The following CUX2 variants were observed in gnomAD, a reference collection of about 807,000 sequenced individuals.
The protein encoded by CUX2 is cut like homeobox 2, also known as homeobox protein cut-like 2.
In CUX2, 40 loss-of-function variants were observed where a neutral mutation model predicts 144.8. The observed-to-expected ratio is 0.28, with a 90% CI of 0.21 to 0.36. The LOEUF is 0.36. Among genes scored for constraint, CUX2 ranks in the 10% least tolerant of loss-of-function variants. The pLI is 1.00. For synonymous variants in CUX2, 827 were observed against 875.6 expected, an observed-to-expected ratio of 0.94 and a Z score of 0.98; for missense variants, 1,615 against 1,994.0, an observed-to-expected ratio of 0.81 and a Z score of 3.62.
intron 1 of CUX2, among the ~76,000 whole-genome samples, chr12:111,083,089 G>C (rs1219712478): frequency 1.3e-5 from 2 of 152,196 alleles, no homozygotes; most frequent in African/African-American, 2.4e-5. Flanking sequence ...CTAAGTGGCA[G>C]TTGCCTCCCC....
intron 1 of CUX2, among the ~76,000 whole-genome samples, chr12:111,213,385 C>T (rs761589444): frequency 7.2e-5 from 11 of 152,170 alleles, no homozygotes; most frequent in Non-Finnish European, 1.3e-4. Context: ...TATACATGCA[C>T]GACCAGCAGA....
intron 18 of CUX2, among the ~76,000 whole-genome samples, chr12:111,329,187 A>G (rs1004803183): frequency 2.0e-5 from 3 of 150,932 alleles, no homozygotes. Flanking sequence ...TTTCTGTAGT[A>G]AAATAAGGAA....
chr12:111,069,662 G>A (rs1346441938), intron 1 of CUX2, among the ~76,000 whole-genome samples: 1 of 152,064 alleles, frequency 6.6e-6, no homozygotes, highest in Non-Finnish European at 1.5e-5. Context: ...ATAGATGCCT[G>A]TCTTCTCCCT....
chr12:111,296,052 C>A (rs1885968667), intron 7 of CUX2, among the ~76,000 whole-genome samples: 1 of 151,266 alleles, frequency 6.6e-6, no homozygotes, highest in Non-Finnish European at 1.5e-5. Flanking sequence ...TGTCTTCCGG[C>A]CTGCCAGGTT....
chr12:111,242,286 A>G (rs1281080827), intron 3 of CUX2, among the ~76,000 whole-genome samples: 2 of 152,222 alleles, frequency 1.3e-5, no homozygotes, highest in Admixed American at 1.3e-4. Context: ...GCAACAGCAA[A>G]TAAGTGATGA....
chr12:111,307,196 T>C lies in CUX2; in HGVS notation c.1051-3T>C. On this transcript the variant is annotated splice_region_variant and splice_polypyrimidine_tract_variant and intron_variant, in intron 11 of 21. Transcript: ENST00000261726. This position sits in a 1 kb window ranked among gnomAD's most constrained non-coding sequence, Gnocchi z 4.1. ...GCCTCACCATCTTTCTTTGCTCTTC[T>C]AGAAGCTGGAAGAGAAGCTCCAGGC... The C allele has an allele frequency of 6.2e-7, 1 of 1,614,046 alleles. No homozygotes were observed. The highest frequency in any genetic ancestry group is 8.5e-7 in the Non-Finnish European group (1 of 1,179,960).
intron 1 of CUX2, among the ~76,000 whole-genome samples, chr12:111,115,315 T>G (rs1874228122): frequency 6.9e-6 from 1 of 145,372 alleles, no homozygotes; most frequent in African/African-American, 2.6e-5. Context: ...AGATAGAGTC[T>G]TGCTCTGTCG....
At chr12:111,321,070 G>A (rs1471770351) in intron 17 of CUX2, among the ~76,000 whole-genome samples, 1 of 152,116 alleles carries the variant, frequency 6.6e-6, no homozygotes, top group African/African-American at 2.4e-5. Flanking sequence ...GGTGGCTCAC[G>A]CCTGTAATCC....
At chr12:111,316,112 G>A (rs1232373233) in intron 16 of CUX2, among the ~76,000 whole-genome samples, 1 of 151,092 alleles carries the variant, frequency 6.6e-6, no homozygotes, top group East Asian at 1.9e-4. Flanking sequence ...TTTTTTAATC[G>A]AGGTAAAATT....
Position 111,322,459 on chromosome 12 carries a change from G to C in CUX2, c.2805G>C (p.Leu935=), listed in dbSNP as rs1404396234. 6.3e-7 allele frequency: 1 copy of C among 1,578,890 alleles called. No homozygotes were observed. Among genetic ancestry groups the C allele is most frequent in the East Asian group, 2.3e-5 (1 of 43,354 alleles). The change falls in exon 18 of 22, where the codon CTG becomes CTC. Residue 935 remains leucine, a synonymous_variant. Coordinates refer to ENST00000261726, the MANE Select transcript of CUX2 (RefSeq NM_015267.4). This position sits in a 1 kb window ranked among gnomAD's most constrained non-coding sequence, Gnocchi z 4.2. ...GLSQGSVSDM[L]SRPKPWSKLT... ...CACAGGGCAGCGTGAGCGACATGCT[G>C]TCCCGGCCGAAGCCATGGAGCAAGC...
At chr12:111,056,359 A>C (rs1870524272) in intron 1 of CUX2, among the ~76,000 whole-genome samples, 1 of 152,080 alleles carries the variant, frequency 6.6e-6, no homozygotes, top group African/African-American at 2.4e-5. Flanking sequence ...GCTTGTCCCC[A>C]CTCCATGATA....
At chr12:111,234,530 T>C (rs1882635340) in intron 3 of CUX2, among the ~76,000 whole-genome samples, 1 of 152,020 alleles carries the variant, frequency 6.6e-6, no homozygotes, top group Admixed American at 6.6e-5. Flanking sequence ...TGGTTATTTT[T>C]TGGGCAGGCA....
chr12:111,222,923 C>T (rs1426416954), intron 3 of CUX2, among the ~76,000 whole-genome samples: 1 of 152,178 alleles, frequency 6.6e-6, no homozygotes, highest in African/African-American at 2.4e-5. Flanking sequence ...GTCACCTCAA[C>T]AAGCATTTAT....
In CUX2 at chr12:111,293,307, C is replaced by A; in HGVS notation, c.437-139C>A. On this transcript the variant is annotated intron_variant, in intron 5 of 21. Coordinates refer to ENST00000261726, the MANE Select transcript of CUX2 (RefSeq NM_015267.4). The surrounding 1 kb of genome is among the most constrained non-coding windows in gnomAD (Gnocchi z 4.5). Reference sequence around the variant, plus strand: ...TGCTGAGGACATGCGGCCCGCAGGGCCCCACAGCTGCGCTCTCTCCAAGGC... The same window carrying A: ...TGCTGAGGACATGCGGCCCGCAGGGACCCACAGCTGCGCTCTCTCCAAGGC... 7.7e-7 allele frequency: 1 copy of A among 1,305,390 alleles called. No homozygotes were observed. Among genetic ancestry groups the A allele is most frequent in the Non-Finnish European group, 1.0e-6 (1 of 976,178 alleles). 80.9% of individuals were successfully genotyped at this position (1,305,390 alleles called of 1,614,324 possible).
intron 16 of CUX2, among the ~76,000 whole-genome samples, chr12:111,317,321 A>G (rs975152074): frequency 1.3e-5 from 2 of 152,096 alleles, no homozygotes; most frequent in Non-Finnish European, 2.9e-5. Context: ...AGATCCATCT[A>G]TTATCCTTGG....
chr12:111,200,932 G>T (rs189602754), intron 1 of CUX2, among the ~76,000 whole-genome samples: 7 of 152,280 alleles, frequency 4.6e-5, no homozygotes, highest in Non-Finnish European at 1.0e-4. Context: ...ACTGGTTTCT[G>T]CTGGGCCTCT....
At chr12:111,125,221 C>A (rs1236541180) in intron 1 of CUX2, among the ~76,000 whole-genome samples, 1 of 151,568 alleles carries the variant, frequency 6.6e-6, no homozygotes, top group Non-Finnish European at 1.5e-5. Flanking sequence ...CCTCTGTCAC[C>A]CAGGCTGGAG....
intron 18 of CUX2, among the ~76,000 whole-genome samples, chr12:111,324,924 T>C (rs990364777): frequency 6.6e-6 from 1 of 152,166 alleles, no homozygotes; most frequent in Non-Finnish European, 1.5e-5. Context: ...TATTTCTATA[T>C]GTTTTTAATA....
Position 111,350,327 on chromosome 12 carries a change from G to A in CUX2, c.*2002G>A, listed in dbSNP as rs542587003. 9 of 152,512 alleles carry A rather than the reference G, an allele frequency of 5.9e-5. No homozygotes were observed. Among genetic ancestry groups the A allele is most frequent in the East Asian group, 1.9e-4 (1 of 5,182 alleles). The allele number at this position is 152,512 out of a possible 1,614,324, so 9.4% of individuals were successfully genotyped here. A position where few individuals can be genotyped will look rare whatever the true frequency, so the allele number is the denominator to read the frequency against. On this transcript the variant is annotated 3_prime_UTR_variant, in exon 22 of 22. Transcript: ENST00000261726. ...GAACTAAATTTGGCTTTAGTGTGACGGGATTTGATTAAGCACTTAGTATAG... is the reference window on the plus strand; with the variant it reads ...GAACTAAATTTGGCTTTAGTGTGACAGGATTTGATTAAGCACTTAGTATAG...
Sources: allele counts gnomAD v4.1 joint callset (sites outside exome capture counted in the v4.1 genomes callset), GRCh38; gene constraint gnomAD v4.1.1; non-coding constraint Gnocchi (gnomAD v3.1); transcripts MANE v1.5; gene names NCBI Gene and HGNC (gene_info 2026-07-23, HGNC 2026-07-21).